The following WDR41 variants were observed in gnomAD, a reference collection of about 807,000 sequenced individuals.
WDR41 encodes the protein WD repeat domain 41.
Under a neutral mutation model 69.3 loss-of-function variants are expected in WDR41, and 63 were observed. That is an observed-to-expected ratio of 0.91 (90% CI 0.74 to 1.12). The LOEUF is 1.12. WDR41 is among the 50% of genes most tolerant of loss of function. WDR41 has a pLI of 0.00. For missense variants in WDR41, 543 were observed against 534.5 expected, an observed-to-expected ratio of 1.02 and a Z score of -0.16; for synonymous variants, 185 against 192.1, an observed-to-expected ratio of 0.96 and a Z score of 0.31.
rs116270671 is a variant in WDR41 at position 77,524,850 on chromosome 5, A to T, written c.43-35278T>A. 5.3e-3 allele frequency among the ~76,000 whole-genome samples: 801 copies of T among 152,352 alleles called. 7 individuals carry two copies. The highest frequency in any genetic ancestry group is 0.019 in the African/African-American group (773 of 41,586). ...GTCTTAGCCTAGAAGATTCTCAGAA[A>T]TCTCAAGGTCTAGCTTAGGCTTTTG... On this transcript the variant is annotated intron_variant, in intron 1 of 5. Transcript: ENST00000509971.
chr5:77,509,502 T>C (rs1802166357), intron 1 of WDR41, among the ~76,000 whole-genome samples: 2 of 152,134 alleles, frequency 1.3e-5, no homozygotes, highest in South Asian at 4.1e-4. Flanking sequence ...AACCATACAG[T>C]AGAATATTAT....
intron 1 of WDR41, among the ~76,000 whole-genome samples, chr5:77,589,885 C>T (rs1225172996): frequency 6.6e-6 from 1 of 152,076 alleles, no homozygotes; most frequent in Admixed American, 6.6e-5. Flanking sequence ...AGAGCTGGCA[C>T]CCTTTTTTCC....
At chr5:77,557,795 A>G (rs1258577724) in intron 1 of WDR41, among the ~76,000 whole-genome samples, 3 of 152,196 alleles carry the variant, frequency 2.0e-5, no homozygotes, top group Non-Finnish European at 4.4e-5. Context: ...AAACAGCCCA[A>G]ATGTTTACCA....
chr5:77,472,371 G>A (rs375277916), intron 2 of WDR41, among the ~76,000 whole-genome samples: 224 of 151,650 alleles, frequency 1.5e-3, no homozygotes, highest in African/African-American at 5.1e-3. Flanking sequence ...CACAAGACAG[G>A]GATGCCCTCT....
intron 2 of WDR41, among the ~76,000 whole-genome samples, chr5:77,470,076 T>A (rs1297858003): frequency 6.6e-6 from 1 of 150,568 alleles, no homozygotes; most frequent in Non-Finnish European, 1.5e-5. Flanking sequence ...TAACAGCAGA[T>A]CTCTTGGCAG....
In WDR41 at chr5:77,526,194, C is replaced by T. The variant is rs57215626; in HGVS notation, c.43-36622G>A. Among the ~76,000 whole-genome samples the T allele has an allele frequency of 9.3e-3, 1,410 of 151,858 alleles. 18 individuals are homozygous for T. Among genetic ancestry groups the T allele is most frequent in the African/African-American group, 0.032 (1,346 of 41,424 alleles). On this transcript the variant is annotated intron_variant, in intron 1 of 5. Coordinates refer to the WDR41 transcript ENST00000509971. ...AACATTTTGGCACACTTGTTTTATCCCTCTTTTTGTTCTTTCTTTTTCTTT... is the reference window on the plus strand; with the variant it reads ...AACATTTTGGCACACTTGTTTTATCTCTCTTTTTGTTCTTTCTTTTTCTTT...
intron 6 of WDR41, among the ~76,000 whole-genome samples, chr5:77,453,215 C>T (rs1799693592): frequency 6.6e-6 from 1 of 152,032 alleles, no homozygotes; most frequent in Non-Finnish European, 1.5e-5. Context: ...GATACCCAGG[C>T]TCATTTGATT....
intron 1 of WDR41, among the ~76,000 whole-genome samples, chr5:77,515,558 G>A (rs890364759): frequency 8.5e-5 from 13 of 152,242 alleles, no homozygotes; most frequent in African/African-American, 3.1e-4. Context: ...GCATAAAGCA[G>A]TAACATCATT....
chr5:77,557,908 A>G (rs1370403415), intron 1 of WDR41, among the ~76,000 whole-genome samples: 1 of 152,198 alleles, frequency 6.6e-6, no homozygotes, highest in African/African-American at 2.4e-5. Flanking sequence ...AAAAGAATGT[A>G]TACGGTATGA....
chr5:77,552,385 A>G (rs1004517096), intron 1 of WDR41, among the ~76,000 whole-genome samples: 1 of 152,220 alleles, frequency 6.6e-6, no homozygotes, highest in African/African-American at 2.4e-5. Flanking sequence ...TGTGAAAGTC[A>G]AAGAAGACTT....
At chr5:77,563,689 C>T (rs548331896) in intron 1 of WDR41, among the ~76,000 whole-genome samples, 19 of 152,120 alleles carry the variant, frequency 1.2e-4, no homozygotes, top group Non-Finnish European at 2.5e-4. Flanking sequence ...TGTGCCAGGA[C>T]ATACTGCAGA....
At chr5:77,463,975 G>T (rs1800178375) in intron 3 of WDR41, among the ~76,000 whole-genome samples, 1 of 151,730 alleles carries the variant, frequency 6.6e-6, no homozygotes, top group Non-Finnish European at 1.5e-5. Flanking sequence ...CTTCAAAAAA[G>T]AATAATTTGA....
At chr5:77,509,196 G>A (rs1032801716) in intron 1 of WDR41, among the ~76,000 whole-genome samples, 1 of 152,000 alleles carries the variant, frequency 6.6e-6, no homozygotes, top group Non-Finnish European at 1.5e-5. Flanking sequence ...TTTATTGCTG[G>A]AGACCTCCCT....
chr5:77,467,641 T>C (rs1231145726), intron 2 of WDR41, among the ~76,000 whole-genome samples: 2 of 152,044 alleles, frequency 1.3e-5, no homozygotes, highest in Non-Finnish European at 2.9e-5. Context: ...AACATGGCAC[T>C]TGCCAGTCTA....
chr5:77,612,463 T>A (rs1304368006), intron 1 of WDR41, among the ~76,000 whole-genome samples: 1 of 152,194 alleles, frequency 6.6e-6, no homozygotes, highest in African/African-American at 2.4e-5. Context: ...GTGGGCTTCA[T>A]TCCTGGGATG....
At chr5:77,587,569 T>G (rs1744063223) in intron 1 of WDR41, among the ~76,000 whole-genome samples, 1 of 152,236 alleles carries the variant, frequency 6.6e-6, no homozygotes, top group South Asian at 2.1e-4. Context: ...GTGTTATCTT[T>G]TGTTTTAATG....
chr5:77,618,206 C>T (rs149995738), intron 1 of WDR41, among the ~76,000 whole-genome samples: 5 of 152,260 alleles, frequency 3.3e-5, no homozygotes, highest in East Asian at 1.9e-4. Context: ...CAATGGTTCT[C>T]AAACTATAAA....
intron 1 of WDR41, among the ~76,000 whole-genome samples, chr5:77,509,418 T>C (rs1346794036): frequency 6.6e-6 from 1 of 152,212 alleles, no homozygotes; most frequent in East Asian, 1.9e-4. Flanking sequence ...AACTTGTACA[T>C]GTATGTTTAT....
At chr5:77,507,994 T>C (rs984101140) in intron 1 of WDR41, among the ~76,000 whole-genome samples, 1 of 152,186 alleles carries the variant, frequency 6.6e-6, no homozygotes, top group Non-Finnish European at 1.5e-5. Context: ...TGTTCTCAAG[T>C]ATACTGATTC....
Sources: allele counts gnomAD v4.1 joint callset (sites outside exome capture counted in the v4.1 genomes callset), GRCh38; gene constraint gnomAD v4.1.1; transcripts MANE v1.5; gene names NCBI Gene and HGNC (gene_info 2026-07-23, HGNC 2026-07-21).